The following ITPR2 variants were observed in gnomAD, a reference collection of about 807,000 sequenced individuals.
The protein encoded by ITPR2 is inositol 1,4,5-trisphosphate receptor type 2.
Under a neutral mutation model 317.1 loss-of-function variants are expected in ITPR2, and 207 were observed. The observed-to-expected ratio is 0.65, with a 90% CI of 0.58 to 0.73. The LOEUF is 0.73. ITPR2 is among the 30% of genes least tolerant of loss of function. The pLI is 0.00. For synonymous variants in ITPR2, 1,156 were observed against 1,149.1 expected, an observed-to-expected ratio of 1.01 and a Z score of -0.12; for missense variants, 2,613 against 3,284.0, an observed-to-expected ratio of 0.80 and a Z score of 4.99.
At chr12:26,634,820 G>A (rs1946830257) in intron 21 of ITPR2, among the ~76,000 whole-genome samples, 1 of 144,242 alleles carries the variant, frequency 6.9e-6, no homozygotes, top group African/African-American at 2.6e-5. Context: ...GGAAGGCAGA[G>A]GTACTAGTGA....
At chr12:26,672,970 G>T (rs1222047082) in intron 13 of ITPR2, among the ~76,000 whole-genome samples, 1 of 152,170 alleles carries the variant, frequency 6.6e-6, no homozygotes, top group Non-Finnish European at 1.5e-5. Context: ...TAAATTCCTT[G>T]ACACATACAC....
chr12:26,752,972 G>T (rs568151919), intron 2 of ITPR2, among the ~76,000 whole-genome samples: 1 of 152,218 alleles, frequency 6.6e-6, no homozygotes, highest in Admixed American at 6.5e-5. Context: ...TCTTTCTGGC[G>T]AACCACAGAA....
chr12:26,673,451 C>T (rs374683400), intron 13 of ITPR2, among the ~76,000 whole-genome samples: 2 of 151,902 alleles, frequency 1.3e-5, no homozygotes, highest in South Asian at 2.1e-4. Flanking sequence ...AACCACATGA[C>T]TATCTCAATA....
Position 26,605,126 on chromosome 12 carries a change from A to AAAAAATATATATATATATATAT in ITPR2, c.3463-2421_3463-2420insATATATATATATATATATTTTT, listed in dbSNP as rs1555165395. Among the ~76,000 whole-genome samples, 39 of 136,316 alleles carry AAAAAATATATATATATATATAT rather than the reference A, an allele frequency of 2.9e-4. 1 individual carries two copies. The South Asian group carries it at 3.8e-3, about 13-fold the overall frequency. 89.4% of individuals were successfully genotyped at this position (136,316 alleles called of 152,430 possible). A position where few individuals can be genotyped will look rare whatever the true frequency, so the allele number is the denominator to read the frequency against. On this transcript the variant is annotated intron_variant, in intron 26 of 56. Transcript: ENST00000381340. ...ATAAAAATAAAAAATAAAAAATAAA[A>AAAAAATATATATATATATATAT]ATATATATATATATATGAGAAAGTG...
At chr12:26,522,676 C>T (rs537675012) in intron 37 of ITPR2, among the ~76,000 whole-genome samples, 10 of 152,262 alleles carry the variant, frequency 6.6e-5, no homozygotes, top group East Asian at 3.9e-4. Flanking sequence ...AAATCTCACA[C>T]GTCATTTAGA....
At position 26,722,397 on chromosome 12, in the gene ITPR2, A is replaced by C; in HGVS notation, c.525T>G (p.Asn175Lys). The C allele has an allele frequency of 1.2e-6, 2 of 1,610,054 alleles. No homozygotes were observed. The highest frequency in any genetic ancestry group is 1.7e-6 in the Non-Finnish European group (2 of 1,177,960). ...PFWKLRSEGD[N>K]IVVGDKVVLM... Reference sequence around the variant, plus strand: ...TCCCTCTTAATTGTATATTACATACATTGTCACCCTCGCTTCTCAGTTTCC... The same window carrying C: ...TCCCTCTTAATTGTATATTACATACCTTGTCACCCTCGCTTCTCAGTTTCC... The change falls in exon 5 of 57, where the codon AAT becomes AAG. Residue 175 changes from asparagine to lysine, a missense_variant and splice_region_variant. Asn to Lys is a moderately conservative substitution (Grantham distance 94, BLOSUM62 0). Around this residue, in one of 9 missense-constraint regions of ITPR2, gnomAD observed 515 missense variants for 789.4 expected, o/e 0.65. Coordinates refer to ENST00000381340, the MANE Select transcript of ITPR2 (RefSeq NM_002223.4).
chr12:26,428,971 T>C lies in ITPR2; in HGVS notation c.6770-883A>G, dbSNP rs532959496. 7.2e-5 allele frequency among the ~76,000 whole-genome samples: 11 copies of C among 152,312 alleles called. No homozygotes were observed. In the East Asian group the frequency reaches 2.1e-3, roughly 29 times the overall value. On this transcript the variant is annotated intron_variant, in intron 48 of 56. Transcript: ENST00000381340. Reference sequence around the variant, plus strand: ...AAAGGAAACAACAAAATGGAGACTTTCCACTGGTAAATATTCAATAACAGT... The same window carrying C: ...AAAGGAAACAACAAAATGGAGACTTCCCACTGGTAAATATTCAATAACAGT...
At chr12:26,477,242 G>A (rs950525135) in intron 43 of ITPR2, among the ~76,000 whole-genome samples, 5 of 152,018 alleles carry the variant, frequency 3.3e-5, no homozygotes, top group Admixed American at 6.5e-5. Context: ...TTAAATATTG[G>A]TGAAAAGGTA....
At chr12:26,427,788 T>C (rs1463561655) in intron 49 of ITPR2, 125 bp downstream of exon 49, 1 of 594,444 alleles carries the variant, frequency 1.7e-6, no homozygotes, top group Non-Finnish European at 2.5e-6. Flanking sequence ...CTCTGGTTAA[T>C]TTAGATTTAT....
intron 54 of ITPR2, among the ~76,000 whole-genome samples, chr12:26,388,872 TC>T (rs547754723): frequency 5.0e-4 from 76 of 152,232 alleles, no homozygotes; most frequent in Middle Eastern, 6.8e-3. Context: ...ACAATTTTCT[TC>T]CCTAAACCTG....
intron 32 of ITPR2, among the ~76,000 whole-genome samples, chr12:26,589,186 A>G (rs1309124820): frequency 2.0e-5 from 3 of 152,182 alleles, no homozygotes; most frequent in Non-Finnish European, 4.4e-5. Context: ...TGGTGTGCTT[A>G]CAGGACATGG....
At chr12:26,620,068 C>A (rs75360896) in intron 26 of ITPR2, among the ~76,000 whole-genome samples, 4 of 152,206 alleles carry the variant, frequency 2.6e-5, no homozygotes, top group African/African-American at 7.2e-5. Flanking sequence ...AGCATTCCCA[C>A]CCCTCACGGT....
chr12:26,707,365 C>T (rs1393012806), intron 9 of ITPR2, among the ~76,000 whole-genome samples: 1 of 152,042 alleles, frequency 6.6e-6, no homozygotes, highest in African/African-American at 2.4e-5. Flanking sequence ...AAAGAGAAAA[C>T]TGAACAAGTA....
chr12:26,754,831 T>C (rs773191685), intron 2 of ITPR2, among the ~76,000 whole-genome samples: 4 of 152,228 alleles, frequency 2.6e-5, no homozygotes, highest in Non-Finnish European at 5.9e-5. Flanking sequence ...TATGATCTGC[T>C]CTTTAACAAA....
At chr12:26,609,485 T>C (rs1459295355) in intron 26 of ITPR2, among the ~76,000 whole-genome samples, 1 of 152,174 alleles carries the variant, frequency 6.6e-6, no homozygotes, top group Non-Finnish European at 1.5e-5. Context: ...TGCACACATA[T>C]GGTCCCAGCT....
intron 14 of ITPR2, among the ~76,000 whole-genome samples, chr12:26,665,075 G>A (rs1259760466): frequency 6.6e-6 from 1 of 152,162 alleles, no homozygotes; most frequent in African/African-American, 2.4e-5. Flanking sequence ...ATGTCCATAT[G>A]TGCATATCAT....
chr12:26,806,770 G>A (rs1214401667), intron 1 of ITPR2, among the ~76,000 whole-genome samples: 1 of 152,088 alleles, frequency 6.6e-6, no homozygotes, highest in Non-Finnish European at 1.5e-5. Context: ...AAGCACGTTT[G>A]CTCAAGCAAT....
chr12:26,626,230 G>A (rs1444938675), intron 23 of ITPR2, among the ~76,000 whole-genome samples: 1 of 152,182 alleles, frequency 6.6e-6, no homozygotes, highest in African/African-American at 2.4e-5. Flanking sequence ...CTCCCAAAGT[G>A]TTGGGATTAC....
At chr12:26,410,524 C>T (rs1401803884) in intron 52 of ITPR2, among the ~76,000 whole-genome samples, 1 of 152,096 alleles carries the variant, frequency 6.6e-6, no homozygotes, top group African/African-American at 2.4e-5. Context: ...GAACTCCGCA[C>T]CTACACTATG....
Sources: gnomAD v4.1 joint callset for allele counts (sites outside exome capture counted in the v4.1 genomes callset) on GRCh38, gnomAD v4.1.1 for gene constraint, gnomAD v4.1.1 regional missense constraint, MANE v1.5 for transcripts, NCBI Gene and HGNC (gene_info 2026-07-23, HGNC 2026-07-21) for gene names.